The following ACSM1 variants were observed in gnomAD, a reference collection of about 807,000 sequenced individuals.
ACSM1 encodes the protein acyl-coenzyme A synthetase ACSM1, mitochondrial.
Under a neutral mutation model 75.8 loss-of-function variants are expected in ACSM1, and 79 were observed. That is an observed-to-expected ratio of 1.04 (90% CI 0.87 to 1.26). ACSM1 has a LOEUF of 1.26. ACSM1 is among the 50% of genes most tolerant of loss of function. ACSM1 has a pLI of 0.00. For missense variants in ACSM1, 676 were observed against 720.1 expected (o/e 0.94, Z 0.70); for synonymous variants, 279 against 265.8 (o/e 1.05, Z -0.48).
Position 20,623,653 on chromosome 16 carries a change from C to G in ACSM1, c.1648-81G>C, listed in dbSNP as rs1023381642. ...AATTCTCCACTCTCCTCCTCTGCCC[C>G]TCCACAGTCTCCCATGCAGGCTGAC... On this transcript the variant is annotated intron_variant, in intron 13 of 13. Coordinates refer to ENST00000520010, the MANE Select transcript of ACSM1 (RefSeq NM_001318890.3). 3.7e-6 allele frequency: 5 copies of G among 1,349,734 alleles called. No individual in the cohort carries two copies. In the East Asian group the frequency reaches 1.2e-4, roughly 31 times the overall value. 83.6% of individuals were successfully genotyped at this position (1,349,734 alleles called of 1,614,324 possible).
At chr16:20,670,314 G>A (rs1020003130) in intron 5 of ACSM1, among the ~76,000 whole-genome samples, 2 of 152,140 alleles carry the variant, frequency 1.3e-5, no homozygotes, top group African/African-American at 4.8e-5. Flanking sequence ...CATCTCCCAT[G>A]TTTAACCAGC....
Position 20,623,249 on chromosome 16 carries a change from A to G in ACSM1, c.*237T>C, listed in dbSNP as rs1023480572. ...AACACAGGGTATTGTTGATATCAGT[A>G]TTTTATTACTTGCGTTATGAGTGCT... On this transcript the variant is annotated 3_prime_UTR_variant, in exon 14 of 14. Transcript: ENST00000520010. The G allele has an allele frequency of 1.5e-5, 7 of 479,804 alleles. No homozygotes were observed. Among genetic ancestry groups the G allele is most frequent in the African/African-American group, 1.4e-4 (7 of 50,776 alleles). 29.7% of individuals were successfully genotyped at this position (479,804 alleles called of 1,614,324 possible).
At chr16:20,661,161 C>A (rs899050094) in intron 7 of ACSM1, among the ~76,000 whole-genome samples, 14 of 152,166 alleles carry the variant, frequency 9.2e-5, no homozygotes, top group Admixed American at 7.2e-4. Context: ...ACAGAAATGT[C>A]CATTAATGGT....
Position 20,637,375 on chromosome 16 carries a change from A to ACGT in ACSM1, c.1190_1192dup (p.Asp397dup). ...CCAATGCCCTTAGGACCAGACCTGG[A>ACGT]CGTCGTAGGGTGGAGTGGCCTTCCC... On this transcript the variant is annotated inframe_insertion, in exon 9 of 14. Transcript: ENST00000520010. The ACGT allele has an allele frequency of 6.2e-7, 1 of 1,614,060 alleles. No homozygotes were observed. The highest frequency in any genetic ancestry group is 8.5e-7 in the Non-Finnish European group (1 of 1,179,960).
intron 2 of ACSM1, among the ~76,000 whole-genome samples, chr16:20,686,522 C>T (rs1020408806): frequency 1.3e-5 from 2 of 152,106 alleles, no homozygotes; most frequent in East Asian, 3.8e-4. Flanking sequence ...CTAATGCATG[C>T]GGGGTTTAAA....
chr16:20,672,471 A>AAAAAAAAAATATATATAT (rs1555473775), intron 4 of ACSM1, among the ~76,000 whole-genome samples: 11 of 64,562 alleles, frequency 1.7e-4, no homozygotes, highest in East Asian at 1.3e-3. Context: ...AAAAAAAAAA[A>AAAAAAAAAATATATATAT]ATATATATAT....
At chr16:20,654,726 G>A (rs1173877792) in intron 7 of ACSM1, among the ~76,000 whole-genome samples, 1 of 152,144 alleles carries the variant, frequency 6.6e-6, no homozygotes, top group Non-Finnish European at 1.5e-5. Context: ...AGTTAGAATG[G>A]CGATCATTAA....
chr16:20,659,557 G>A (rs759555689), intron 7 of ACSM1, among the ~76,000 whole-genome samples: 5 of 152,014 alleles, frequency 3.3e-5, no homozygotes, highest in South Asian at 2.1e-4. Flanking sequence ...ATAACATTAC[G>A]AGACAAGGAA....
chr16:20,665,811 G>A lies in ACSM1; in HGVS notation c.913-3938C>T, dbSNP rs184161639. Among the ~76,000 whole-genome samples, 535 of 152,110 alleles carry A rather than the reference G, an allele frequency of 3.5e-3. 5 individuals are homozygous for A. Among genetic ancestry groups the A allele is most frequent in the African/African-American group, 0.012 (517 of 41,504 alleles). ...CATGATCAAGTAGGCTTTATTCCTG[G>A]GATGCAAGGTTGGGTCAACATATGC... On this transcript the variant is annotated intron_variant, in intron 6 of 13. Transcript: ENST00000520010.
At chr16:20,637,144 T>C (rs2017763814) in intron 9 of ACSM1, 2 of 760,896 alleles carry the variant, frequency 2.6e-6, no homozygotes, top group Middle Eastern at 2.3e-4. Context: ...AGGTATTCTT[T>C]CCTACCTACT....
intron 8 of ACSM1, among the ~76,000 whole-genome samples, chr16:20,638,621 G>C (rs1369458375): frequency 6.6e-6 from 1 of 152,188 alleles, no homozygotes; most frequent in African/African-American, 2.4e-5. Flanking sequence ...AATCTGTTAA[G>C]ATTGGCATTA....
intron 8 of ACSM1, 93 bp from the exon 9 acceptor site, chr16:20,637,544 A>T: frequency 9.0e-7 from 1 of 1,111,972 alleles, no homozygotes; most frequent in South Asian, 1.3e-5. Flanking sequence ...CTGCTCAGAG[A>T]TGTAGTATTC....
intron 1 of ACSM1, among the ~76,000 whole-genome samples, chr16:20,692,050 A>C (rs1009766563): frequency 6.6e-6 from 1 of 152,214 alleles, no homozygotes; most frequent in African/African-American, 2.4e-5. Context: ...TCTGTAAGCC[A>C]AAAGATTCTC....
At chr16:20,637,163 T>C (rs1192986621) in intron 9 of ACSM1, 8 of 762,378 alleles carry the variant, frequency 1.0e-5, no homozygotes, top group Non-Finnish European at 1.9e-5. Context: ...CTGTGTGTGA[T>C]GCCCTGGCTG....
intron 1 of ACSM1, among the ~76,000 whole-genome samples, chr16:20,694,635 C>T (rs1335168349): frequency 1.3e-5 from 2 of 152,130 alleles, no homozygotes; most frequent in Non-Finnish European, 1.5e-5. Flanking sequence ...CAACCCCTTA[C>T]TAAGTGACTA....
chr16:20,658,876 G>A (rs2019144261), intron 7 of ACSM1, among the ~76,000 whole-genome samples: 1 of 152,018 alleles, frequency 6.6e-6, no homozygotes. Context: ...TTTATCAGAG[G>A]GTTGAAATAA....
intron 10 of ACSM1, among the ~76,000 whole-genome samples, chr16:20,635,644 CTTTCTTTCA>C (rs2017660196): frequency 1.4e-5 from 1 of 70,298 alleles, no homozygotes. Flanking sequence ...TTCTTTCTTT[CTTTCTTTCA>C]TTTTGAGATG....
chr16:20,670,821 A>G (rs2019853648), intron 5 of ACSM1, among the ~76,000 whole-genome samples: 1 of 152,158 alleles, frequency 6.6e-6, no homozygotes, highest in Non-Finnish European at 1.5e-5. Context: ...AACTGTCATC[A>G]TTAGTGTAAA....
chr16:20,681,350 G>A (rs530679096), intron 4 of ACSM1: 157 of 152,312 alleles, frequency 1.0e-3, no homozygotes, highest in African/African-American at 3.6e-3. Context: ...TGCTAATAAT[G>A]GCCGGGTTGT....
Sources: gnomAD v4.1 joint callset for allele counts (sites outside exome capture counted in the v4.1 genomes callset) on GRCh38, gnomAD v4.1.1 for gene constraint, MANE v1.5 for transcripts, NCBI Gene and HGNC (gene_info 2026-07-23, HGNC 2026-07-21) for gene names.